ARL5A: variants seen among roughly 807,000 people sequenced by gnomAD.
The protein encoded by ARL5A is ADP-ribosylation factor-like protein 5A.
ARL5A carries 18 observed loss-of-function variants against 25.9 expected under a neutral mutation model. The ratio of observed to expected loss-of-function variants is 0.69; its 90% CI spans 0.48 to 1.03. The LOEUF is 1.03. Among genes scored for constraint, ARL5A ranks in the 50% least tolerant of loss-of-function variants. The probability of loss-of-function intolerance (pLI) is 0.00; values close to 1 mark genes in which losing one functional copy is unlikely to be tolerated. For synonymous variants in ARL5A, 61 were observed against 67.5 expected (o/e 0.90, Z 0.47); for missense variants, 170 against 211.9 (o/e 0.80, Z 1.23).
rs1422664553 is a variant in ARL5A, at chr2:151,806,816, C to T, written c.491+5G>A. ...TCGATAACATTTAAGAGGAAGATGT[C>T]TTACCCCTCGCCAGTTAGAGCACAG... On this transcript the variant is annotated splice_donor_5th_base_variant and intron_variant, in intron 5 of 5. Transcript: ENST00000295087. 3 of 1,599,550 alleles carry T rather than the reference C, an allele frequency of 1.9e-6. No individual in the cohort carries two copies. The highest frequency in any genetic ancestry group is 2.6e-6 in the Non-Finnish European group (3 of 1,176,230).
intron 1 of ARL5A, among the ~76,000 whole-genome samples, chr2:151,820,683 A>AAAC (rs1419711920): frequency 2.0e-5 from 3 of 150,892 alleles, no homozygotes; most frequent in African/African-American, 2.4e-5. Context: ...AAAAAAAAAA[A>AAAC]AACAGAATCC....
At chr2:151,806,102 T>G (rs1473981705) in intron 5 of ARL5A, among the ~76,000 whole-genome samples, 1 of 152,224 alleles carries the variant, frequency 6.6e-6, no homozygotes, top group Non-Finnish European at 1.5e-5. Context: ...TGTTGTTAAT[T>G]GAATGGCATC....
intron 1 of ARL5A, among the ~76,000 whole-genome samples, chr2:151,822,481 G>A (rs2099832471): frequency 6.6e-6 from 1 of 152,180 alleles, no homozygotes; most frequent in African/African-American, 2.4e-5. Context: ...AATTTCCTCT[G>A]AACATCCTTA....
chr2:151,812,292 T>G (rs556499378), intron 4 of ARL5A, 65 bp downstream of exon 4: 2 of 1,193,452 alleles, frequency 1.7e-6, no homozygotes, highest in South Asian at 2.9e-5. Context: ...CATGAGAAAC[T>G]AGAAAACAAA....
intron 5 of ARL5A, among the ~76,000 whole-genome samples, chr2:151,803,636 C>A (rs2099829723): frequency 6.6e-6 from 1 of 152,134 alleles, no homozygotes; most frequent in Non-Finnish European, 1.5e-5. Context: ...GCTTCCCCAG[C>A]AGCAGGGACT....
chr2:151,802,306 T>C lies in ARL5A; in HGVS notation c.*970A>G, dbSNP rs1424440116. Reference sequence around the variant, plus strand: ...TTAATAGTATTTATAGAATGCTACTTTTCTGGGTAGACATGTTTCACAAAA... The same window carrying C: ...TTAATAGTATTTATAGAATGCTACTCTTCTGGGTAGACATGTTTCACAAAA... On this transcript the variant is annotated 3_prime_UTR_variant, in exon 6 of 6. Transcript: ENST00000295087. The C allele has an allele frequency of 6.6e-6, 1 of 152,124 alleles. No individual in the cohort carries two copies. Among genetic ancestry groups the C allele is most frequent in the Non-Finnish European group, 1.5e-5 (1 of 67,984 alleles). The allele number at this position is 152,124 out of a possible 1,614,324, so 9.4% of individuals were successfully genotyped here.
At chr2:151,815,085 C>T (rs1578377301) in intron 2 of ARL5A, 54 bp downstream of exon 2, 11 of 1,371,350 alleles carry the variant, frequency 8.0e-6, no homozygotes, top group Non-Finnish European at 1.1e-5. Flanking sequence ...GACTATCACC[C>T]AGGCCAAAAA....
chr2:151,801,308 T>C lies in ARL5A; in HGVS notation c.*1968A>G, dbSNP rs542671589. The C allele has an allele frequency of 1.3e-5, 2 of 152,330 alleles. No homozygotes were observed. The highest frequency in any genetic ancestry group is 2.4e-5 in the African/African-American group (1 of 41,594). 9.4% of individuals were successfully genotyped at this position (152,330 alleles called of 1,614,324 possible). On this transcript the variant is annotated 3_prime_UTR_variant, in exon 6 of 6. Transcript: ENST00000295087. ...TGATGATGACAAGGGAATGTGCTGA[T>C]ATCGTGTTAAACTGATGTGGCAGTA...
intron 2 of ARL5A, 117 bp from the exon 3 acceptor site, chr2:151,814,433 T>C: frequency 1.2e-6 from 1 of 809,636 alleles, no homozygotes; most frequent in East Asian, 2.9e-5. Flanking sequence ...CTAAATATCT[T>C]TTTCCCACTA....
chr2:151,822,694 C>T (rs1486319846), intron 1 of ARL5A, among the ~76,000 whole-genome samples: 1 of 152,098 alleles, frequency 6.6e-6, no homozygotes, highest in Non-Finnish European at 1.5e-5. Flanking sequence ...CAAGAATCAT[C>T]AGAAGTTTAC....
At chr2:151,822,867 T>C (rs971256447) in intron 1 of ARL5A, among the ~76,000 whole-genome samples, 3 of 152,232 alleles carry the variant, frequency 2.0e-5, no homozygotes, top group Non-Finnish European at 4.4e-5. Flanking sequence ...GAAAATTGCT[T>C]CTTGTTTCCC....
rs1057075137 is a variant in ARL5A, at chr2:151,799,840, A to T, written c.*3436T>A. 5.3e-5 allele frequency: 8 copies of T among 152,242 alleles called. No individual in the cohort carries two copies. Among genetic ancestry groups the T allele is most frequent in the African/African-American group, 1.9e-4 (8 of 41,454 alleles). 9.4% of individuals were successfully genotyped at this position (152,242 alleles called of 1,614,324 possible). A position where few individuals can be genotyped will look rare whatever the true frequency, so the allele number is the denominator to read the frequency against. ...CCATTGTCTATAACAATAGTTACAA[A>T]GAAAGTTTAGAATAACCTCCAGGAC... On this transcript the variant is annotated 3_prime_UTR_variant, in exon 6 of 6. Coordinates refer to ENST00000295087, the MANE Select transcript of ARL5A (RefSeq NM_012097.4).
Position 151,803,256 on chromosome 2 carries a change from TGAGAA to T in ARL5A, c.*15_*19del. Reference sequence around the variant, plus strand: ...CAGCACTTCATTTATACAAAATCTATGAGAAGAGGTCAGTAGAGATCATCTAATCT... The same window carrying T: ...CAGCACTTCATTTATACAAAATCTATGAGGTCAGTAGAGATCATCTAATCT... On this transcript the variant is annotated 3_prime_UTR_variant, in exon 6 of 6. Transcript: ENST00000295087. 1 of 1,597,572 alleles carries T rather than the reference TGAGAA, an allele frequency of 6.3e-7. No individual in the cohort carries two copies. The highest frequency in any genetic ancestry group is 8.6e-7 in the Non-Finnish European group (1 of 1,166,188).
At position 151,828,192 on chromosome 2, in the gene ARL5A, C is replaced by CA. The variant is rs373435610; in HGVS notation, c.-17_-16insT. 98 of 1,600,808 alleles carry CA rather than the reference C, an allele frequency of 6.1e-5. No individual in the cohort carries two copies. Among genetic ancestry groups the CA allele is most frequent in the African/African-American group, 1.9e-4 (14 of 73,838 alleles). On this transcript the variant is annotated 5_prime_UTR_variant, in exon 1 of 6. Transcript: ENST00000295087. ...GAATTCCCATTCTCGGGCAGCGGACCCCCCCCCTCCAGACACCCGGGCCGC... is the reference window on the plus strand; with the variant it reads ...GAATTCCCATTCTCGGGCAGCGGACCACCCCCCCTCCAGACACCCGGGCCGC...
chr2:151,810,212 C>G (rs955865280), intron 4 of ARL5A, among the ~76,000 whole-genome samples: 1 of 152,150 alleles, frequency 6.6e-6, no homozygotes, highest in Admixed American at 6.5e-5. Context: ...AAGTTGTATA[C>G]TTCATTTATG....
intron 1 of ARL5A, among the ~76,000 whole-genome samples, chr2:151,826,311 C>T (rs564632410): frequency 2.6e-5 from 4 of 152,172 alleles, no homozygotes; most frequent in South Asian, 2.1e-4. Context: ...TATTAATTTC[C>T]GCCAAACTGC....
chr2:151,824,452 T>C (rs1193167162), intron 1 of ARL5A, among the ~76,000 whole-genome samples: 1 of 151,744 alleles, frequency 6.6e-6, no homozygotes, highest in African/African-American at 2.4e-5. Flanking sequence ...CTTCCATATG[T>C]ACTCTTCTCT....
chr2:151,799,973 T>C lies in ARL5A; in HGVS notation c.*3303A>G, dbSNP rs747238451. 6.6e-6 allele frequency: 1 copy of C among 152,054 alleles called. No homozygotes were observed. Among genetic ancestry groups the C allele is most frequent in the Non-Finnish European group, 1.5e-5 (1 of 68,014 alleles). 9.4% of individuals were successfully genotyped at this position (152,054 alleles called of 1,614,324 possible). On this transcript the variant is annotated 3_prime_UTR_variant, in exon 6 of 6. Coordinates refer to ENST00000295087, the MANE Select transcript of ARL5A (RefSeq NM_012097.4). Reference sequence around the variant, plus strand: ...TGAGGTCCAGATTACATTTGGAGAGTGGGAGAGGTCAAAGTTACGAGGAGA... The same window carrying C: ...TGAGGTCCAGATTACATTTGGAGAGCGGGAGAGGTCAAAGTTACGAGGAGA...
At chr2:151,824,906 C>T (rs1296281372) in intron 1 of ARL5A, among the ~76,000 whole-genome samples, 4 of 152,194 alleles carry the variant, frequency 2.6e-5, no homozygotes, top group Admixed American at 6.5e-5. Flanking sequence ...TACCTGTTTC[C>T]GTACCCCTGT....
Sources: gnomAD v4.1 joint callset for allele counts (sites outside exome capture counted in the v4.1 genomes callset) on GRCh38, gnomAD v4.1.1 for gene constraint, MANE v1.5 for transcripts, NCBI Gene and HGNC (gene_info 2026-07-23, HGNC 2026-07-21) for gene names.